PRKAR2B: variants seen among roughly 807,000 people sequenced by gnomAD.
PRKAR2B encodes the protein protein kinase cAMP-dependent type II regulatory subunit beta.
PRKAR2B carries 14 observed loss-of-function variants against 49.9 expected under a neutral mutation model. The ratio of observed to expected loss-of-function variants is 0.28; its 90% CI spans 0.19 to 0.44. The LOEUF is 0.44. Ranked by LOEUF, PRKAR2B falls within the 20% of genes least tolerant of loss-of-function variation. PRKAR2B has a pLI of 1.00. For missense variants in PRKAR2B, 393 were observed against 537.9 expected (o/e 0.73, Z 2.67); for synonymous variants, 196 against 197.7 (o/e 0.99, Z 0.07).
At chr7:107,070,227 T>C in intron 1 of PRKAR2B, 54 bp from the exon 2 acceptor site, 2 of 1,426,762 alleles carry the variant, frequency 1.4e-6, no homozygotes, top group South Asian at 2.5e-5. Flanking sequence ...CTTTTCAGGG[T>C]TTTGGGAAAA....
intron 2 of PRKAR2B, among the ~76,000 whole-genome samples, chr7:107,097,039 A>T (rs1794852954): frequency 6.6e-6 from 1 of 152,126 alleles, no homozygotes; most frequent in Non-Finnish European, 1.5e-5. Flanking sequence ...CTTGGTGCAG[A>T]GCTGAGTTCA....
At chr7:107,076,559 C>T (rs377470341) in intron 2 of PRKAR2B, among the ~76,000 whole-genome samples, 5 of 152,242 alleles carry the variant, frequency 3.3e-5, no homozygotes, top group South Asian at 2.1e-4. Flanking sequence ...GCCCCACCGA[C>T]GTCCATGAAA....
intron 7 of PRKAR2B, among the ~76,000 whole-genome samples, chr7:107,152,783 A>G (rs979306197): frequency 1.3e-5 from 2 of 152,194 alleles, no homozygotes; most frequent in Non-Finnish European, 2.9e-5. Context: ...CCAGCAGCAT[A>G]TTTCTTTAAA....
At chr7:107,140,563 G>A (rs1795773831) in intron 4 of PRKAR2B, among the ~76,000 whole-genome samples, 2 of 152,110 alleles carry the variant, frequency 1.3e-5, no homozygotes, top group Admixed American at 1.3e-4. Context: ...CAAGGTATAT[G>A]GTGGTTTGGT....
At chr7:107,078,201 C>CAAAAAAAAAAAA (rs66861003) in intron 2 of PRKAR2B, 7 of 116,882 alleles carry the variant, frequency 6.0e-5, no homozygotes, top group Non-Finnish European at 8.6e-5. Flanking sequence ...GATACTCCAT[C>CAAAAAAAAAAAA]AAAAAAAAAA....
At chr7:107,152,947 A>G (rs1438764415) in intron 7 of PRKAR2B, among the ~76,000 whole-genome samples, 1 of 152,204 alleles carries the variant, frequency 6.6e-6, no homozygotes, top group South Asian at 2.1e-4. Flanking sequence ...TATTGTTGCC[A>G]TGTGGAAATA....
chr7:107,046,395 G>A (rs2116741371), intron 1 of PRKAR2B, among the ~76,000 whole-genome samples: 1 of 152,270 alleles, frequency 6.6e-6, no homozygotes. Context: ...CCTTGTGTAT[G>A]CTCCTAGGAA....
intron 4 of PRKAR2B, among the ~76,000 whole-genome samples, chr7:107,129,803 C>G (rs1256994734): frequency 6.6e-6 from 1 of 152,174 alleles, no homozygotes; most frequent in East Asian, 1.9e-4. Flanking sequence ...TATAGGGTAA[C>G]TTCCTGACAT....
At chr7:107,091,737 C>CTTGTAGGGCTATG (rs1477209037) in intron 2 of PRKAR2B, 1 of 152,156 alleles carries the variant, frequency 6.6e-6, no homozygotes, top group Admixed American at 6.5e-5. Context: ...TTTTGGACTT[C>CTTGTAGGGCTATG]TTGTAGGGCT....
intron 4 of PRKAR2B, among the ~76,000 whole-genome samples, chr7:107,140,259 T>C (rs1295377868): frequency 2.6e-5 from 4 of 152,210 alleles, no homozygotes; most frequent in African/African-American, 9.6e-5. Context: ...CCTAGTGAGC[T>C]CAGTGGATGC....
At chr7:107,079,216 T>C (rs1414659372) in intron 2 of PRKAR2B, among the ~76,000 whole-genome samples, 3 of 152,234 alleles carry the variant, frequency 2.0e-5, no homozygotes, top group Non-Finnish European at 4.4e-5. Context: ...CGTTTTTGTT[T>C]TCCCAGTGCA....
intron 3 of PRKAR2B, 122 bp downstream of exon 3, chr7:107,122,126 A>T (rs1795400392): frequency 1.8e-6 from 1 of 553,710 alleles, no homozygotes; most frequent in Non-Finnish European, 3.0e-6. Flanking sequence ...AATTATTTTG[A>T]CTGTTTCTTT....
chr7:107,049,037 C>T (rs1403678367), intron 1 of PRKAR2B, among the ~76,000 whole-genome samples: 1 of 152,114 alleles, frequency 6.6e-6, no homozygotes, highest in African/African-American at 2.4e-5. Context: ...ATCCCTAGGC[C>T]TTGAATTTCT....
intron 1 of PRKAR2B, among the ~76,000 whole-genome samples, chr7:107,046,330 G>A (rs1377899439): frequency 1.3e-5 from 2 of 152,200 alleles, no homozygotes; most frequent in African/African-American, 4.8e-5. Context: ...CTTGTGGTTT[G>A]TGTGTCCGCA....
chr7:107,153,663 C>T (rs1438211066), intron 8 of PRKAR2B, among the ~76,000 whole-genome samples: 1 of 152,154 alleles, frequency 6.6e-6, no homozygotes, highest in African/African-American at 2.4e-5. Context: ...CACACTGCAA[C>T]ATATACTGTT....
At chr7:107,064,555 C>T (rs1367558005) in intron 1 of PRKAR2B, among the ~76,000 whole-genome samples, 1 of 152,188 alleles carries the variant, frequency 6.6e-6, no homozygotes, top group African/African-American at 2.4e-5. Context: ...CGTTATGTCT[C>T]ATAAGAAGTG....
rs150578083 is a variant in PRKAR2B at position 107,114,160 on chromosome 7, A to G, written c.344-7792A>G. Reference sequence around the variant, plus strand: ...GGTTAGTTCCAGTGATTGAGTACACATACTTAAGTTTTTAACTCTTTGGAA... The same window carrying G: ...GGTTAGTTCCAGTGATTGAGTACACGTACTTAAGTTTTTAACTCTTTGGAA... On this transcript the variant is annotated intron_variant, in intron 2 of 10. Coordinates refer to ENST00000265717, the MANE Select transcript of PRKAR2B (RefSeq NM_002736.3). Among the ~76,000 whole-genome samples the G allele has an allele frequency of 2.6e-5, 4 of 152,320 alleles. No individual in the cohort carries two copies. In the East Asian group the frequency reaches 7.7e-4, roughly 29 times the overall value.
At chr7:107,075,150 C>T (rs113263211) in intron 2 of PRKAR2B, among the ~76,000 whole-genome samples, 5 of 151,072 alleles carry the variant, frequency 3.3e-5, no homozygotes, top group Non-Finnish European at 7.4e-5. Flanking sequence ...GTCACCAGGC[C>T]GGAGTGCAAT....
At chr7:107,100,556 C>T (rs1794940201) in intron 2 of PRKAR2B, among the ~76,000 whole-genome samples, 2 of 152,210 alleles carry the variant, frequency 1.3e-5, no homozygotes, top group South Asian at 2.1e-4. Flanking sequence ...GGAAAGTTGG[C>T]CATTTTATTG....
Sources: gnomAD v4.1 joint callset for allele counts (sites outside exome capture counted in the v4.1 genomes callset) on GRCh38, gnomAD v4.1.1 for gene constraint, MANE v1.5 for transcripts, NCBI Gene and HGNC (gene_info 2026-07-23, HGNC 2026-07-21) for gene names.